MTHFS: variants seen among roughly 807,000 people sequenced by gnomAD.
MTHFS encodes 5-formyltetrahydrofolate cyclo-ligase.
Under a neutral mutation model 12.7 loss-of-function variants are expected in MTHFS, and 7 were observed. That is an observed-to-expected ratio of 0.55 (90% confidence interval 0.31 to 1.03). MTHFS has a LOEUF of 1.03. Ranked by LOEUF, MTHFS falls within the 50% of genes least tolerant of loss-of-function variation. The pLI, the probability that MTHFS is intolerant of heterozygous loss-of-function variation, is 0.05. For missense variants in MTHFS, 252 were observed against 258.1 expected (o/e 0.98, Z 0.16); for synonymous variants, 100 against 97.1 (o/e 1.03, Z -0.18).
In MTHFS at chr15:79,843,723, T is replaced by C. The variant is rs1418808510; in HGVS notation, c.*1487A>G. 2.0e-5 allele frequency: 3 copies of C among 152,222 alleles called. No homozygotes were observed. The highest frequency in any genetic ancestry group is 2.9e-5 in the Non-Finnish European group (2 of 68,040). 9.4% of individuals were successfully genotyped at this position (152,222 alleles called of 1,614,324 possible). A position where few individuals can be genotyped will look rare whatever the true frequency, so the allele number is the denominator to read the frequency against. On this transcript the variant is annotated 3_prime_UTR_variant, in exon 3 of 3. Coordinates refer to ENST00000258874, the MANE Select transcript of MTHFS (RefSeq NM_006441.4). ...AGTTGTGTACTAAGCATAAGAAGTA[T>C]AAAGATCACTTCTTTTCTTTGGAGC... is the stretch of plus-strand genomic sequence containing the variant.
At chr15:79,889,479 G>C (rs556276409) in intron 1 of MTHFS, 125 bp from the exon 2 acceptor site, 2 of 1,378,716 alleles carry the variant, frequency 1.5e-6, no homozygotes, top group East Asian at 2.5e-5. Context: ...AAAAAAGGGG[G>C]GGGGACCAGA....
chr15:79,863,089 G>A (rs2033945915), intron 2 of MTHFS, among the ~76,000 whole-genome samples: 1 of 152,220 alleles, frequency 6.6e-6, no homozygotes. Flanking sequence ...TAGGTTAAGA[G>A]CATGACATGC....
At chr15:79,846,209 G>A (rs2033612515) in intron 2 of MTHFS, among the ~76,000 whole-genome samples, 1 of 152,204 alleles carries the variant, frequency 6.6e-6, no homozygotes, top group African/African-American at 2.4e-5. Context: ...TGGCAATGAA[G>A]GTCACTAGGT....
rs749592651 is a variant in MTHFS, at chr15:79,856,321, G to A, written c.380-10879C>T. Among the ~76,000 whole-genome samples, 4 of 152,174 alleles carry A rather than the reference G, an allele frequency of 2.6e-5. No individual in the cohort carries two copies. The East Asian group carries it at 5.8e-4, about 22-fold the overall frequency. ...CTTGGCCATGTATATGTCTTCTTTC[G>A]AAAAGTATCTGCACATGTCTTTGCC... is the stretch of plus-strand genomic sequence containing the variant. On this transcript the variant is annotated intron_variant, in intron 2 of 2. Transcript: ENST00000258874.
At chr15:79,886,716 T>A (rs1020880179) in intron 2 of MTHFS, among the ~76,000 whole-genome samples, 2 of 152,242 alleles carry the variant, frequency 1.3e-5, no homozygotes, top group Admixed American at 6.5e-5. Flanking sequence ...GTTCATTTTC[T>A]GTCTCATCAG....
At chr15:79,866,428 A>G (rs2034012033) in intron 2 of MTHFS, among the ~76,000 whole-genome samples, 1 of 152,214 alleles carries the variant, frequency 6.6e-6, no homozygotes, top group African/African-American at 2.4e-5. Flanking sequence ...TGGATAAAGC[A>G]TAATGAAAAA....
intron 2 of MTHFS, among the ~76,000 whole-genome samples, chr15:79,847,709 T>C (rs1044565635): frequency 2.7e-5 from 4 of 148,998 alleles, no homozygotes; most frequent in Admixed American, 1.3e-4. Flanking sequence ...CAGACATTTG[T>C]CCAAAGAAGA....
intron 2 of MTHFS, among the ~76,000 whole-genome samples, chr15:79,878,554 T>C (rs955309502): frequency 6.7e-6 from 1 of 149,718 alleles, no homozygotes; most frequent in Admixed American, 6.7e-5. Context: ...TGGCCTTCAC[T>C]ATGGTGCCCA....
intron 2 of MTHFS, among the ~76,000 whole-genome samples, chr15:79,851,065 C>G (rs555885829): frequency 2.6e-4 from 39 of 152,236 alleles, no homozygotes; most frequent in African/African-American, 9.1e-4. Context: ...TGTTAGAGCC[C>G]AAGAGGTATG....
intron 2 of MTHFS, among the ~76,000 whole-genome samples, chr15:79,848,251 G>T (rs1269510501): frequency 6.6e-6 from 1 of 152,180 alleles, no homozygotes; most frequent in African/African-American, 2.4e-5. Flanking sequence ...GCCACAAAAA[G>T]ACAAATACTT....
At chr15:79,861,603 C>T (rs562840400) in intron 2 of MTHFS, among the ~76,000 whole-genome samples, 1 of 152,306 alleles carries the variant, frequency 6.6e-6, no homozygotes, top group South Asian at 2.1e-4. Flanking sequence ...ATCCCATGGA[C>T]TTACTTGCAT....
At chr15:79,866,623 C>T (rs954906669) in intron 2 of MTHFS, among the ~76,000 whole-genome samples, 1 of 152,202 alleles carries the variant, frequency 6.6e-6, no homozygotes, top group Non-Finnish European at 1.5e-5. Flanking sequence ...CGAGGGCAAA[C>T]ACACGACCTT....
chr15:79,896,714 G>A (rs1322860796), intron 1 of MTHFS, 158 bp downstream of exon 1: 20 of 1,269,816 alleles, frequency 1.6e-5, no homozygotes, highest in Non-Finnish European at 2.1e-5. Context: ...CACGACTAGG[G>A]GGCGTGCGCG....
intron 1 of MTHFS, among the ~76,000 whole-genome samples, chr15:79,896,491 C>G (rs575666424): frequency 1.3e-5 from 2 of 152,354 alleles, no homozygotes; most frequent in Admixed American, 6.5e-5. Context: ...GGTGTTCACC[C>G]ATCTCCTCTA....
intron 1 of MTHFS, among the ~76,000 whole-genome samples, chr15:79,893,789 A>C (rs1235609029): frequency 6.6e-6 from 1 of 152,104 alleles, no homozygotes; most frequent in Non-Finnish European, 1.5e-5. Context: ...TGACAGAGGG[A>C]GTAGAAAACA....
At chr15:79,881,311 C>G (rs2034290982) in intron 2 of MTHFS, among the ~76,000 whole-genome samples, 1 of 152,168 alleles carries the variant, frequency 6.6e-6, no homozygotes, top group African/African-American at 2.4e-5. Flanking sequence ...ATTTAGCAGG[C>G]TAGCCCATCT....
At chr15:79,895,695 C>T (rs1277096425) in intron 1 of MTHFS, among the ~76,000 whole-genome samples, 1 of 152,224 alleles carries the variant, frequency 6.6e-6, no homozygotes, top group Non-Finnish European at 1.5e-5. Flanking sequence ...CCCTCATACA[C>T]ACCTACATAG....
intron 2 of MTHFS, among the ~76,000 whole-genome samples, chr15:79,874,212 AAATCAAC>A (rs2034151797): frequency 6.6e-6 from 1 of 151,380 alleles, no homozygotes; most frequent in Non-Finnish European, 1.5e-5. Context: ...AAAATGGTCA[AAATCAAC>A]TTTTCAAAAC....
intron 2 of MTHFS, among the ~76,000 whole-genome samples, chr15:79,862,496 A>G (rs2033934086): frequency 6.6e-6 from 1 of 152,186 alleles, no homozygotes; most frequent in Non-Finnish European, 1.5e-5. Context: ...TTGTATTTCT[A>G]ATGTCTTACT....
Sources: gnomAD v4.1 joint callset for allele counts (sites outside exome capture counted in the v4.1 genomes callset) on GRCh38, gnomAD v4.1.1 for gene constraint, MANE v1.5 for transcripts, NCBI Gene and HGNC (gene_info 2026-07-23, HGNC 2026-07-21) for gene names.